PTHLH: variants seen among roughly 807,000 people sequenced by gnomAD.
PTHLH encodes the protein parathyroid hormone like hormone, also known as parathyroid hormone-related protein.
A neutral mutation model predicts 18.6 loss-of-function variants in PTHLH; 5 were observed. The ratio of observed to expected loss-of-function variants is 0.27; its 90% confidence interval spans 0.14 to 0.56. The LOEUF (loss-of-function observed/expected upper bound fraction) is 0.56. Among genes scored for constraint, PTHLH ranks in the 20% least tolerant of loss-of-function variants. The pLI is 0.92. For synonymous variants in PTHLH, 90 were observed against 94.0 expected (o/e 0.96, Z 0.25); for missense variants, 207 against 223.9 (o/e 0.92, Z 0.48).
chr12:27,964,680 CTCTT>C (rs1451712737), intron 4 of PTHLH, among the ~76,000 whole-genome samples: 1 of 151,868 alleles, frequency 6.6e-6, no homozygotes, highest in African/African-American at 2.4e-5. Context: ...TCTACTTGCT[CTCTT>C]TGTCTTAAAA....
At chr12:27,960,480 C>T (rs1422001308) in intron 5 of PTHLH, among the ~76,000 whole-genome samples, 2 of 151,928 alleles carry the variant, frequency 1.3e-5, no homozygotes, top group Non-Finnish European at 2.9e-5. Flanking sequence ...AATCCCAGCA[C>T]TTTGGGGCAG....
chr12:27,963,020 G>C, intron 5 of PTHLH: 1 of 1,223,664 alleles, frequency 8.2e-7, no homozygotes, highest in Non-Finnish European at 1.0e-6. Flanking sequence ...CACTTCTCCA[G>C]CAAATTATGA....
chr12:27,966,208 A>C (rs1322174367), intron 4 of PTHLH, among the ~76,000 whole-genome samples: 4 of 152,260 alleles, frequency 2.6e-5, no homozygotes, highest in African/African-American at 9.6e-5. Context: ...TGGGAAATGC[A>C]GTGATCATTC....
At chr12:27,963,153 C>G in intron 5 of PTHLH, 195 bp downstream of exon 5, 1 of 1,473,032 alleles carries the variant, frequency 6.8e-7, no homozygotes, top group Non-Finnish European at 9.0e-7. Flanking sequence ...TGCTGGAGGA[C>G]AGGGGTGTGT....
Position 27,962,474 on chromosome 12 carries a change from G to A in PTHLH, c.524+874C>T, listed in dbSNP as rs866939616. The A allele has an allele frequency of 3.7e-5, 33 of 900,984 alleles. No homozygotes were observed. The Middle Eastern group carries it at 2.8e-3, about 76-fold the overall frequency. 55.8% of individuals were successfully genotyped at this position (900,984 alleles called of 1,614,324 possible). A position where few individuals can be genotyped will look rare whatever the true frequency, so the allele number is the denominator to read the frequency against. On this transcript the variant is annotated intron_variant, in intron 5 of 5. Coordinates refer to ENST00000545234, the MANE Select transcript of PTHLH (RefSeq NM_198965.2). ...TAGAAAGGCAGAGTAACTTGCCCTA[G>A]GTTGTGAACTTAAATAAATTCAGAC...
chr12:27,971,790 A>G (rs1375456377), intron 2 of PTHLH, 137 bp downstream of exon 2: 3 of 151,518 alleles, frequency 2.0e-5, no homozygotes, highest in Non-Finnish European at 4.4e-5. Context: ...AAACAAAACC[A>G]AAACACACAC....
rs76401695 is a variant in PTHLH at position 27,969,154 on chromosome 12, C to T, written c.101+240G>A. ...CTAGAAGAGATTCTGTGAAACGCTCCCTCTTATGGAAACACACATAAAGTC... is the reference window on the plus strand; with the variant it reads ...CTAGAAGAGATTCTGTGAAACGCTCTCTCTTATGGAAACACACATAAAGTC... On this transcript the variant is annotated intron_variant, in intron 4 of 5. Coordinates refer to ENST00000545234, the MANE Select transcript of PTHLH (RefSeq NM_198965.2). 767 of 549,100 alleles carry T rather than the reference C, an allele frequency of 1.4e-3. 5 individuals carry two copies. The highest frequency in any genetic ancestry group is 0.013 in the African/African-American group (693 of 52,956). The allele number at this position is 549,100 out of a possible 1,614,324, so 34.0% of individuals were successfully genotyped here.
At chr12:27,966,104 C>T (rs1729650569) in intron 4 of PTHLH, among the ~76,000 whole-genome samples, 1 of 152,212 alleles carries the variant, frequency 6.6e-6, no homozygotes, top group African/African-American at 2.4e-5. Context: ...TGCCCCTTCT[C>T]ATGGGCATAT....
Position 27,970,214 on chromosome 12 carries a change from T to C in PTHLH, c.-212A>G, listed in dbSNP as rs1241229589. On this transcript the variant is annotated 5_prime_UTR_variant, in exon 3 of 6. Coordinates refer to ENST00000545234, the MANE Select transcript of PTHLH (RefSeq NM_198965.2). ...AGACATGCTGGCCGGGCGGCGCAGG[T>C]TGGAGGCGAGTTGAAAACCGAGCGG... is the stretch of plus-strand genomic sequence containing the variant. 4.0e-6 allele frequency: 2 copies of C among 498,844 alleles called. No homozygotes were observed. The highest frequency in any genetic ancestry group is 8.0e-6 in the Non-Finnish European group (2 of 250,910). The allele number at this position is 498,844 out of a possible 1,614,324, so 30.9% of individuals were successfully genotyped here. A position where few individuals can be genotyped will look rare whatever the true frequency, so the allele number is the denominator to read the frequency against.
At chr12:27,969,900 G>C (rs746171585) in intron 3 of PTHLH, 125 bp downstream of exon 3, 1 of 521,474 alleles carries the variant, frequency 1.9e-6, no homozygotes, top group East Asian at 5.4e-5. Flanking sequence ...CGTGGAACAG[G>C]GCTAACCGCC....
intron 3 of PTHLH, chr12:27,969,785 A>G: frequency 1.6e-6 from 1 of 639,566 alleles, no homozygotes; most frequent in South Asian, 1.4e-5. Context: ...CTCTGAAATA[A>G]TAGCGAAAAT....
At position 27,963,200 on chromosome 12, in the gene PTHLH, C is replaced by T. The variant is rs564367084; in HGVS notation, c.524+148G>A. 69 of 1,530,334 alleles carry T rather than the reference C, an allele frequency of 4.5e-5. No homozygotes were observed. The African/African-American group carries it at 8.2e-4, about 18-fold the overall frequency. 94.8% of individuals were successfully genotyped at this position (1,530,334 alleles called of 1,614,324 possible). A position where few individuals can be genotyped will look rare whatever the true frequency, so the allele number is the denominator to read the frequency against. On this transcript the variant is annotated intron_variant, in intron 5 of 5. Transcript: ENST00000545234. ...GTACTGCTTTAAGGCAGACAATATT[C>T]TGAGTTATTCTCTGTCAATTGCTAC...
chr12:27,972,155 C>T (rs1591854890), intron 1 of PTHLH, 136 bp from the exon 2 acceptor site: 1 of 150,564 alleles, frequency 6.6e-6, no homozygotes, highest in East Asian at 2.0e-4. Flanking sequence ...AAGTTTCAAA[C>T]TATCCAGGCT....
intron 4 of PTHLH, among the ~76,000 whole-genome samples, chr12:27,966,285 C>T (rs1460504941): frequency 6.6e-6 from 1 of 152,162 alleles, no homozygotes; most frequent in Non-Finnish European, 1.5e-5. Context: ...TAGTACATTG[C>T]TTACGAGGGA....
intron 2 of PTHLH, among the ~76,000 whole-genome samples, chr12:27,971,650 G>A (rs2062872560): frequency 6.6e-6 from 1 of 151,754 alleles, no homozygotes; most frequent in African/African-American, 2.4e-5. Flanking sequence ...CTAGCTAGCA[G>A]TTAAAGTTTA....
intron 5 of PTHLH, among the ~76,000 whole-genome samples, chr12:27,961,302 TA>T (rs2062754405): frequency 1.2e-4 from 1 of 8,334 alleles, no homozygotes; most frequent in East Asian, 1.5e-3. Context: ...TATATATACG[TA>T]TATATATATA....
At chr12:27,961,310 T>TATACGTATATATATATAC (rs2062756556) in intron 5 of PTHLH, among the ~76,000 whole-genome samples, 5 of 57,538 alleles carry the variant, frequency 8.7e-5, no homozygotes, top group African/African-American at 2.1e-4. Flanking sequence ...CGTATATATA[T>TATACGTATATATATATAC]ATATATATAT....
At chr12:27,963,830 AAC>A in intron 4 of PTHLH, 60 bp from the exon 5 acceptor site, 3 of 1,527,420 alleles carry the variant, frequency 2.0e-6, no homozygotes, top group Non-Finnish European at 2.7e-6. Flanking sequence ...TGATAGAGAC[AAC>A]AAAGACATGA....
intron 2 of PTHLH, among the ~76,000 whole-genome samples, chr12:27,970,677 C>G (rs1408914030): frequency 1.3e-5 from 2 of 151,936 alleles, no homozygotes; most frequent in Non-Finnish European, 2.9e-5. Context: ...CCCGGCGCGC[C>G]GAGCTGGACG....
Sources: gnomAD v4.1 joint callset for allele counts (sites outside exome capture counted in the v4.1 genomes callset) on GRCh38, gnomAD v4.1.1 for gene constraint, MANE v1.5 for transcripts, NCBI Gene and HGNC (gene_info 2026-07-23, HGNC 2026-07-21) for gene names.